FARS2: variants seen among roughly 807,000 people sequenced by gnomAD.
FARS2 encodes the protein phenylalanine--tRNA ligase, mitochondrial.
FARS2 carries 40 observed loss-of-function variants against 46.4 expected under a neutral mutation model. The ratio of observed to expected loss-of-function variants is 0.86; its 90% confidence interval spans 0.67 to 1.12. FARS2 has a LOEUF of 1.12. FARS2 is among the 50% of genes most tolerant of loss of function. The pLI, the probability that FARS2 is intolerant of heterozygous loss-of-function variation, is 0.00. For synonymous variants in FARS2, 234 were observed against 214.9 expected (o/e 1.09, Z -0.78); for missense variants, 513 against 567.9 (o/e 0.90, Z 0.98).
chr6:5,691,964 C>T (rs1392753901), intron 6 of FARS2, among the ~76,000 whole-genome samples: 5 of 152,198 alleles, frequency 3.3e-5, no homozygotes, highest in African/African-American at 9.6e-5. Flanking sequence ...AGCGAGGCTC[C>T]GTGGGCGTAG....
chr6:5,631,746 C>T (rs1204829461), intron 6 of FARS2, among the ~76,000 whole-genome samples: 2 of 152,240 alleles, frequency 1.3e-5, no homozygotes, highest in Non-Finnish European at 2.9e-5. Context: ...TGTAATTATA[C>T]TGCTTGACTA....
At chr6:5,604,841 T>C (rs560862123) in intron 5 of FARS2, among the ~76,000 whole-genome samples, 1 of 152,306 alleles carries the variant, frequency 6.6e-6, no homozygotes, top group Non-Finnish European at 1.5e-5. Flanking sequence ...TGACACACTT[T>C]TGAGTCTGGG....
intron 6 of FARS2, among the ~76,000 whole-genome samples, chr6:5,669,538 C>T (rs993573996): frequency 4.6e-5 from 7 of 152,140 alleles, no homozygotes; most frequent in Non-Finnish European, 1.0e-4. Flanking sequence ...ATACGTCAGC[C>T]CCCAGGGCTT....
intron 6 of FARS2, among the ~76,000 whole-genome samples, chr6:5,681,541 G>C (rs1779032315): frequency 6.6e-6 from 1 of 152,122 alleles, no homozygotes; most frequent in South Asian, 2.1e-4. Context: ...GTGTACAGGG[G>C]GAAAAAGTTA....
chr6:5,612,892 A>G (rs902072325), intron 5 of FARS2, among the ~76,000 whole-genome samples: 3 of 152,166 alleles, frequency 2.0e-5, no homozygotes, highest in African/African-American at 7.2e-5. Flanking sequence ...AATACATTCA[A>G]ATTTCTTTGT....
chr6:5,315,761 T>TCTTCCTTTCTTTCTTTCTTTC (rs1561952069), intron 1 of FARS2, among the ~76,000 whole-genome samples: 1 of 132,710 alleles, frequency 7.5e-6, no homozygotes, highest in South Asian at 2.3e-4. Context: ...TTTCTTTCTT[T>TCTTCCTTTCTTTCTTTCTTTC]TTTTTGGGGA....
At chr6:5,724,093 C>G (rs138868951) in intron 6 of FARS2, among the ~76,000 whole-genome samples, 16 of 152,310 alleles carry the variant, frequency 1.1e-4, no homozygotes, top group African/African-American at 3.8e-4. Context: ...AATTTCAGTT[C>G]CCTTTTCCCC....
intron 5 of FARS2, among the ~76,000 whole-genome samples, chr6:5,546,929 G>GTTATTTTATTTTATTTTATTTTATT (rs58939691): frequency 4.0e-5 from 6 of 151,050 alleles, no homozygotes; most frequent in African/African-American, 1.5e-4. Context: ...ATTCATAATG[G>GTTATTTTATTTTATTTTATTTTATT]TTATTTTATT....
chr6:5,754,239 G>A (rs1243801982), intron 6 of FARS2, among the ~76,000 whole-genome samples: 1 of 152,168 alleles, frequency 6.6e-6, no homozygotes, highest in Non-Finnish European at 1.5e-5. Flanking sequence ...CACTGAGAGT[G>A]GGTCCGTGTG....
chr6:5,622,600 T>C (rs576418348), intron 6 of FARS2, among the ~76,000 whole-genome samples: 37 of 152,292 alleles, frequency 2.4e-4, no homozygotes, highest in African/African-American at 8.7e-4. Context: ...TTCCATCTCT[T>C]CCACCTTGGG....
chr6:5,344,532 G>T (rs1752404826), intron 1 of FARS2, among the ~76,000 whole-genome samples: 6 of 152,208 alleles, frequency 3.9e-5, no homozygotes, highest in Admixed American at 3.9e-4. Context: ...GGAGGAGGCA[G>T]TGTGTTATGG....
rs1174267794 is a variant in FARS2 at position 5,368,887 on chromosome 6, G to C, written c.317G>C (p.Gly106Ala). Residue 106 changes from glycine (G) to alanine (A), a missense_variant, in exon 2 of 7, where the codon GGG (glycine) becomes GCG (alanine). Physicochemically the swap from Gly to Ala is moderately conservative, Grantham distance 60. Coordinates refer to ENST00000274680, the MANE Select transcript of FARS2 (RefSeq NM_006567.5). ...HFYKQYVGRF[G>A]TPLFSVYDNL... ...TACAAGCAGTATGTGGGCCGCTTTG[G>C]GACCCCGTTGTTCTCGGTCTACGAC... The C allele has an allele frequency of 6.2e-7, 1 of 1,614,068 alleles. No homozygotes were observed. The highest frequency in any genetic ancestry group is 1.1e-5 in the South Asian group (1 of 91,066).
chr6:5,405,079 G>A (rs892004787), intron 3 of FARS2, among the ~76,000 whole-genome samples: 7 of 152,134 alleles, frequency 4.6e-5, no homozygotes, highest in African/African-American at 1.7e-4. Flanking sequence ...TTACAGGCAT[G>A]AGCCACCGCG....
chr6:5,465,117 A>G (rs916994468), intron 4 of FARS2, among the ~76,000 whole-genome samples: 1 of 152,226 alleles, frequency 6.6e-6, no homozygotes, highest in Non-Finnish European at 1.5e-5. Context: ...AAAGGAATAG[A>G]TATGTGGAAC....
intron 5 of FARS2, 106 bp downstream of exon 5, chr6:5,545,446 T>C: frequency 1.2e-6 from 1 of 855,048 alleles, no homozygotes; most frequent in Middle Eastern, 3.5e-4. Flanking sequence ...TTTATTTTAT[T>C]TTATTTTCAT....
intron 1 of FARS2, among the ~76,000 whole-genome samples, chr6:5,353,291 T>G (rs934471439): frequency 6.6e-6 from 1 of 152,238 alleles, no homozygotes; most frequent in Non-Finnish European, 1.5e-5. Flanking sequence ...TTTTCCTTAT[T>G]CACTTATCTG....
At chr6:5,278,335 A>G (rs1229422396) in intron 1 of FARS2, among the ~76,000 whole-genome samples, 2 of 152,314 alleles carry the variant, frequency 1.3e-5, no homozygotes, top group Middle Eastern at 3.4e-3. Flanking sequence ...GTGTGTAGAC[A>G]GAGCTTGGTA....
chr6:5,723,379 C>CTGCTG (rs112269109), intron 6 of FARS2, among the ~76,000 whole-genome samples: 11,122 of 152,172 alleles, frequency 0.073, 1,168 homozygotes, highest in African/African-American at 0.23. Context: ...TGGGAAAAGG[C>CTGCTG]TGCTGGATTC....
chr6:5,262,031 C>T (rs1765181097), intron 1 of FARS2, among the ~76,000 whole-genome samples: 1 of 152,184 alleles, frequency 6.6e-6, no homozygotes, highest in African/African-American at 2.4e-5. Flanking sequence ...ACTGTGTTTG[C>T]AAAGCACTTT....
Sources: allele counts gnomAD v4.1 joint callset (sites outside exome capture counted in the v4.1 genomes callset), GRCh38; gene constraint gnomAD v4.1.1; transcripts MANE v1.5; gene names NCBI Gene and HGNC (gene_info 2026-07-23, HGNC 2026-07-21).